Variants in GBE1 observed in about 807,000 individuals in gnomAD.
The protein encoded by GBE1 is 1,4-alpha-glucan-branching enzyme.
In GBE1, 70 loss-of-function variants were observed where a neutral mutation model predicts 88.8. That is an observed-to-expected ratio of 0.79 (90% CI 0.65 to 0.96). GBE1 has a LOEUF of 0.96. Among genes scored for constraint, GBE1 ranks in the 40% least tolerant of loss-of-function variants. The pLI is 0.00. For missense variants in GBE1, 872 were observed against 871.0 expected (o/e 1.00, Z -0.01); for synonymous variants, 284 against 300.1 (o/e 0.95, Z 0.56).
intron 1 of GBE1, among the ~76,000 whole-genome samples, chr3:81,756,648 G>A (rs975763711): frequency 2.0e-5 from 3 of 152,118 alleles, no homozygotes; most frequent in African/African-American, 7.2e-5. Flanking sequence ...CCCTCAACCA[G>A]CCCAGAAGAA....
At position 81,670,918 on chromosome 3, in the gene GBE1, GT is replaced by G; in HGVS notation, c.348del (p.Lys116AsnfsTer27). ...TACAGCTCCCATTTTCCATAATCCA[GT>G]TTTTTGTATGGGTACGAAAATGGAT... is the stretch of plus-strand genomic sequence containing the variant. ...GWNPFSYPYK[K>X]LDYGKWELYI... is the part of the protein sequence containing the mutation. On this transcript the variant is annotated frameshift_variant, in exon 3 of 16. Transcript: ENST00000429644. LOFTEE classifies it high-confidence loss of function. 1 of 1,572,822 alleles carries G rather than the reference GT, an allele frequency of 6.4e-7. No individual in the cohort carries two copies. Among genetic ancestry groups the G allele is most frequent in the Non-Finnish European group, 8.6e-7 (1 of 1,162,022 alleles).
intron 7 of GBE1, among the ~76,000 whole-genome samples, chr3:81,634,549 T>C (rs1704565213): frequency 6.6e-6 from 1 of 152,154 alleles, no homozygotes; most frequent in Non-Finnish European, 1.5e-5. Flanking sequence ...TCACATCACT[T>C]TGCAGTGTTG....
intron 1 of GBE1, among the ~76,000 whole-genome samples, chr3:81,746,013 G>A (rs1428234153): frequency 6.6e-6 from 1 of 151,964 alleles, no homozygotes; most frequent in African/African-American, 2.4e-5. Context: ...AACTAATTTT[G>A]TAAAATACTG....
rs997501278 is a variant in GBE1 at position 81,597,826 on chromosome 3, A to G, written c.993-3803T>C. 2.0e-5 allele frequency among the ~76,000 whole-genome samples: 3 copies of G among 152,076 alleles called. No homozygotes were observed. The East Asian group carries it at 5.8e-4, about 29-fold the overall frequency. On this transcript the variant is annotated intron_variant, in intron 7 of 15. Coordinates refer to ENST00000429644, the MANE Select transcript of GBE1 (RefSeq NM_000158.4). ...TTAAGGATTTCTGGCAATCAAAACA[A>G]TCATGATTCTAATTGGCTTAGATGT...
chr3:81,583,051 AG>A (rs1703756193), intron 10 of GBE1, among the ~76,000 whole-genome samples: 1 of 152,104 alleles, frequency 6.6e-6, no homozygotes. Flanking sequence ...AATGCAATCA[AG>A]AAATGGTTAA....
intron 12 of GBE1, among the ~76,000 whole-genome samples, chr3:81,547,745 G>GAAA (rs34555531): frequency 6.6e-6 from 1 of 150,632 alleles, no homozygotes; most frequent in Non-Finnish European, 1.5e-5. Context: ...TGATTAATGG[G>GAAA]AAAAAAGGAT....
chr3:81,650,063 G>T (rs1015537239), intron 3 of GBE1, 142 bp from the exon 4 acceptor site: 17 of 584,640 alleles, frequency 2.9e-5, no homozygotes, highest in Admixed American at 7.3e-5. Context: ...TGACCTTCAG[G>T]AACATAATTC....
At chr3:81,496,023 G>A (rs1702496680) in intron 15 of GBE1, among the ~76,000 whole-genome samples, 2 of 152,102 alleles carry the variant, frequency 1.3e-5, no homozygotes, top group South Asian at 4.1e-4. Flanking sequence ...TCTCTCATTT[G>A]TGCTATGGAA....
At chr3:81,576,895 CTG>C (rs1408525538) in intron 12 of GBE1, among the ~76,000 whole-genome samples, 4 of 152,060 alleles carry the variant, frequency 2.6e-5, no homozygotes, top group Non-Finnish European at 5.9e-5. Flanking sequence ...AAAGTTCAAT[CTG>C]AGATTTCTTA....
rs775104734 is a variant in GBE1, at chr3:81,648,861, C to T, written c.686G>A (p.Gly229Asp). The T allele has an allele frequency of 1.3e-6, 2 of 1,509,126 alleles. No homozygotes were observed. Among genetic ancestry groups the T allele is most frequent in the Non-Finnish European group, 1.8e-6 (2 of 1,124,446 alleles). 93.5% of individuals were successfully genotyped at this position (1,509,126 alleles called of 1,614,324 possible). The change falls in exon 5 of 16, where the codon GGC (glycine) becomes GAC (aspartate). Residue 229 changes from glycine (G) to aspartate (D), a missense_variant. Transcript: ENST00000429644. The stretch of plus-strand genomic sequence containing the variant: ...AAATCACAGTTATTACTTACCAAGG[C>T]CTTTGATTCTTGGTAGTACATTGCA... Reference protein sequence around the residue: ...FTCNVLPRIKGLGYNCIQLMA... With the variant: ...FTCNVLPRIKDLGYNCIQLMA...
chr3:81,499,067 A>G (rs1455198652), intron 15 of GBE1, 43 bp downstream of exon 15: 1 of 998,998 alleles, frequency 1.0e-6, no homozygotes, highest in Non-Finnish European at 1.5e-6. Flanking sequence ...ATAATAAAAG[A>G]GTAAATTAAA....
At chr3:81,636,196 G>A (rs1287795788) in intron 7 of GBE1, among the ~76,000 whole-genome samples, 1 of 152,162 alleles carries the variant, frequency 6.6e-6, no homozygotes, top group East Asian at 1.9e-4. Flanking sequence ...TTTTACAGAA[G>A]AGAATTAGTC....
intron 14 of GBE1, among the ~76,000 whole-genome samples, chr3:81,521,586 G>A (rs76954277): frequency 0.012 from 1,796 of 151,518 alleles, 13 homozygotes; most frequent in Middle Eastern, 0.02. Flanking sequence ...AAATGCAAGG[G>A]AGAAGAAAAA....
At chr3:81,643,900 G>T (rs1423356925) in intron 6 of GBE1, among the ~76,000 whole-genome samples, 2 of 152,114 alleles carry the variant, frequency 1.3e-5, no homozygotes, top group African/African-American at 4.8e-5. Context: ...GAAGACCATT[G>T]TCCTGATCGT....
At chr3:81,753,316 G>A (rs1470089290) in intron 1 of GBE1, among the ~76,000 whole-genome samples, 1 of 152,084 alleles carries the variant, frequency 6.6e-6, no homozygotes, top group Non-Finnish European at 1.5e-5. Context: ...AAACTGATGA[G>A]CTCATATTGC....
intron 12 of GBE1, among the ~76,000 whole-genome samples, chr3:81,544,057 T>C (rs114844862): frequency 2.3e-3 from 352 of 152,286 alleles, no homozygotes; most frequent in Non-Finnish European, 3.7e-3. Flanking sequence ...ATGTGTTCTT[T>C]GGATTCTCCA....
At chr3:81,686,768 A>C (rs1013913786) in intron 2 of GBE1, among the ~76,000 whole-genome samples, 18 of 152,192 alleles carry the variant, frequency 1.2e-4, no homozygotes, top group African/African-American at 4.3e-4. Flanking sequence ...AAATAAAATA[A>C]AATAAAATAA....
intron 14 of GBE1, chr3:81,534,946 TC>T: frequency 5.6e-6 from 2 of 359,622 alleles, no homozygotes; most frequent in South Asian, 6.4e-5. Flanking sequence ...CACAGCTCTT[TC>T]CTTTGATGTG....
chr3:81,628,742 C>CATATAGATAT (rs1704455928), intron 7 of GBE1, among the ~76,000 whole-genome samples: 1 of 65,418 alleles, frequency 1.5e-5, no homozygotes, highest in Non-Finnish European at 2.7e-5. Flanking sequence ...AGAACAATTG[C>CATATAGATAT]ATATATATAT....
Sources: gnomAD v4.1 joint callset for allele counts (sites outside exome capture counted in the v4.1 genomes callset) on GRCh38, gnomAD v4.1.1 for gene constraint, MANE v1.5 for transcripts, NCBI Gene and HGNC (gene_info 2026-07-23, HGNC 2026-07-21) for gene names.